Variants in KCNT1 observed in about 807,000 individuals in gnomAD.
The protein encoded by KCNT1 is potassium sodium-activated channel subfamily T member 1, also known as potassium channel subfamily T member 1.
Under a neutral mutation model 147.8 loss-of-function variants are expected in KCNT1, and 78 were observed. The ratio of observed to expected loss-of-function variants is 0.53; its 90% CI spans 0.44 to 0.64. The LOEUF (loss-of-function observed/expected upper bound fraction) is 0.64, where lower values mean the gene tolerates loss of function less well. Ranked by LOEUF, KCNT1 falls within the 30% of genes least tolerant of loss-of-function variation. The pLI, the probability that KCNT1 is intolerant of heterozygous loss-of-function variation, is 0.00. For missense variants in KCNT1, 1,419 were observed against 1,750.3 expected (o/e 0.81, Z 3.38); for synonymous variants, 867 against 748.8 (o/e 1.16, Z -2.58).
At chr9:135,716,710 G>A (rs978789585) in intron 2 of KCNT1, among the ~76,000 whole-genome samples, 4 of 152,150 alleles carry the variant, frequency 2.6e-5, no homozygotes, top group African/African-American at 7.2e-5. Context: ...GAGGTGGACC[G>A]CTGGACGTGT....
At chr9:135,740,908 C>T (rs1028884954) in intron 2 of KCNT1, among the ~76,000 whole-genome samples, 7 of 151,106 alleles carry the variant, frequency 4.6e-5, no homozygotes, top group African/African-American at 1.7e-4. Context: ...CCCCTCCCCT[C>T]CCCTCCCACC....
rs377123847 is a variant in KCNT1, at chr9:135,755,191, C to A, written c.540+22C>A. On this transcript the variant is annotated intron_variant, in intron 6 of 30. Coordinates refer to ENST00000371757, the MANE Select transcript of KCNT1 (RefSeq NM_020822.3). ...CCAGGTGAGTGCCCTACCCTGCCCC[C>A]CTCCCGACTGCAGTGGTGCTCAGTA... 23 of 1,598,954 alleles carry A rather than the reference C, an allele frequency of 1.4e-5. 1 individual carries two copies. The Middle Eastern group carries it at 8.4e-4, about 58-fold the overall frequency.
chr9:135,787,039 T>G (rs1200138285), intron 29 of KCNT1, among the ~76,000 whole-genome samples: 1 of 151,908 alleles, frequency 6.6e-6, no homozygotes, highest in Non-Finnish European at 1.5e-5. Context: ...ACAAGACTGG[T>G]GGGGACCCCC....
chr9:135,772,916 C>A lies in KCNT1; in HGVS notation c.2210C>A (p.Thr737Lys). The A allele has an allele frequency of 6.5e-7, 1 of 1,529,332 alleles. No homozygotes were observed. 94.7% of individuals were successfully genotyped at this position (1,529,332 alleles called of 1,614,324 possible). A position where few individuals can be genotyped will look rare whatever the true frequency, so the allele number is the denominator to read the frequency against. Residue 737 changes from threonine to lysine, a missense_variant, in exon 19 of 31, where the codon ACG (threonine) becomes AAG (lysine). This residue lies in a region of KCNT1 where 284 missense variants were observed against 292.8 expected (regional missense o/e 0.97). Coordinates refer to ENST00000371757, the MANE Select transcript of KCNT1 (RefSeq NM_020822.3). ...LLSDQSEDEV[T>K]PSDDEGLSVV... Reference sequence around the variant, plus strand: ...AGCGACCAGTCGGAGGATGAGGTGACGCCGTCGGACGACGAGGGGCTCTCC... The same window carrying A: ...AGCGACCAGTCGGAGGATGAGGTGAAGCCGTCGGACGACGAGGGGCTCTCC...
chr9:135,783,854 C>T (rs1833801623), intron 24 of KCNT1, among the ~76,000 whole-genome samples, 170 bp from the exon 25 acceptor site: 1 of 152,266 alleles, frequency 6.6e-6, no homozygotes, highest in Non-Finnish European at 1.5e-5. Context: ...GGTGTATGCA[C>T]ACATGCAGAC....
chr9:135,743,062 G>A (rs1353079297), intron 2 of KCNT1, among the ~76,000 whole-genome samples: 4 of 152,118 alleles, frequency 2.6e-5, no homozygotes, highest in Non-Finnish European at 2.9e-5. Flanking sequence ...TGGGTGGTCC[G>A]CAGCCTCAGG....
chr9:135,755,089 G>T (rs745733865), intron 5 of KCNT1, 32 bp from the exon 6 acceptor site: 2 of 1,587,272 alleles, frequency 1.3e-6, no homozygotes, highest in Non-Finnish European at 1.7e-6. Flanking sequence ...TGGCTGTGGT[G>T]CCCTACTGTG....
chr9:135,742,462 G>A (rs1267457227), intron 2 of KCNT1, among the ~76,000 whole-genome samples: 8 of 152,218 alleles, frequency 5.3e-5, no homozygotes, highest in South Asian at 4.1e-4. Context: ...ACAGGAGGGT[G>A]CATGCGCGGG....
rs964837854 is a variant in KCNT1, at chr9:135,765,844, G to T, written c.1337+84G>T. ...GCTCAGGGCTGAGGCATTGACCGTC[G>T]CTCTCCTGGCCAATGAGAGCCATGA... On this transcript the variant is annotated intron_variant, in intron 13 of 30. Coordinates refer to ENST00000371757, the MANE Select transcript of KCNT1 (RefSeq NM_020822.3). 1.8e-5 allele frequency: 23 copies of T among 1,272,366 alleles called. 1 individual carries two copies. The South Asian group carries it at 3.2e-4, about 17-fold the overall frequency. The allele number at this position is 1,272,366 out of a possible 1,614,324, so 78.8% of individuals were successfully genotyped here.
intron 24 of KCNT1, among the ~76,000 whole-genome samples, chr9:135,782,487 G>C (rs1318710367): frequency 6.6e-6 from 1 of 152,244 alleles, no homozygotes; most frequent in African/African-American, 2.4e-5. Flanking sequence ...GCTGCACGGT[G>C]CCTGTCCTGC....
intron 6 of KCNT1, among the ~76,000 whole-genome samples, chr9:135,755,573 G>A (rs771579340): frequency 6.9e-6 from 1 of 145,274 alleles, no homozygotes; most frequent in Admixed American, 6.9e-5. Context: ...TGAGCACTGG[G>A]GACAAACTCA....
intron 1 of KCNT1, among the ~76,000 whole-genome samples, chr9:135,713,327 C>G (rs1469854572): frequency 1.3e-5 from 2 of 152,248 alleles, no homozygotes; most frequent in African/African-American, 4.8e-5. Context: ...TAAATGCTGC[C>G]AGATCCTGGG....
intron 1 of KCNT1, among the ~76,000 whole-genome samples, chr9:135,705,050 C>T (rs1047408155): frequency 1.3e-5 from 2 of 152,198 alleles, no homozygotes; most frequent in Non-Finnish European, 2.9e-5. Flanking sequence ...TCCTCGCACC[C>T]GGCAGCCTCC....
intron 7 of KCNT1, 95 bp from the exon 8 acceptor site, chr9:135,757,061 T>C (rs1588322805): frequency 4.6e-6 from 5 of 1,084,988 alleles, no homozygotes. Context: ...ACCTCCAGGG[T>C]GGGCTCCTCG....
At chr9:135,790,141 C>G (rs1398467056) in intron 29 of KCNT1, 1 of 152,254 alleles carries the variant, frequency 6.6e-6, no homozygotes, top group African/African-American at 2.4e-5. Context: ...GTGAAATGAG[C>G]TGGTGGCCCC....
intron 1 of KCNT1, among the ~76,000 whole-genome samples, chr9:135,708,910 C>T (rs903422457): frequency 2.6e-5 from 4 of 152,210 alleles, no homozygotes; most frequent in African/African-American, 7.2e-5. Flanking sequence ...TATGCTGATC[C>T]TGAGAGGCAG....
At chr9:135,753,259 G>C (rs1427636123) in intron 4 of KCNT1, among the ~76,000 whole-genome samples, 1 of 152,178 alleles carries the variant, frequency 6.6e-6, no homozygotes, top group Non-Finnish European at 1.5e-5. Flanking sequence ...TGGATCAGTT[G>C]AAAGAAAAGA....
rs757867931 is a variant in KCNT1 at position 135,771,071 on chromosome 9, G to A, written c.1984G>A (p.Val662Met). 3.0e-5 allele frequency: 48 copies of A among 1,611,542 alleles called. No homozygotes were observed. Among genetic ancestry groups the A allele is most frequent in the South Asian group, 1.5e-4 (14 of 90,646 alleles). Reference protein sequence around the residue: ...GLHEGPARLPVHSIIASMGTV... With the variant: ...GLHEGPARLPMHSIIASMGTV... ...GCACGAGGGTCCGGCCCGCCTGCCC[G>A]TGCACAGCATCATCGCCTCCATGGG... The change falls in exon 18 of 31, where the codon GTG becomes ATG. Residue 662 changes from valine (V) to methionine (M), a missense_variant. Physicochemically the swap from Val to Met is conservative, Grantham distance 21. Transcript: ENST00000371757.
intron 12 of KCNT1, 108 bp from the exon 13 acceptor site, chr9:135,765,512 CAGTG>C: frequency 1.6e-6 from 2 of 1,220,080 alleles, no homozygotes; most frequent in Non-Finnish European, 2.3e-6. Context: ...TGCAAGATCA[CAGTG>C]AGCTCTAGGG....
Sources: allele counts gnomAD v4.1 joint callset (sites outside exome capture counted in the v4.1 genomes callset), GRCh38; gene constraint gnomAD v4.1.1; regional missense constraint gnomAD v4.1.1; transcripts MANE v1.5; gene names NCBI Gene and HGNC (gene_info 2026-07-23, HGNC 2026-07-21).